The following DGKD variants were observed in gnomAD, a reference collection of about 807,000 sequenced individuals.
The protein encoded by DGKD is diacylglycerol kinase delta, also known as DAG kinase delta.
Under a neutral mutation model 154.4 loss-of-function variants are expected in DGKD, and 68 were observed. That is an observed-to-expected ratio of 0.44 (90% confidence interval 0.36 to 0.54). The LOEUF (loss-of-function observed/expected upper bound fraction) is 0.54, where lower values mean the gene tolerates loss of function less well. Among genes scored for constraint, DGKD ranks in the 20% least tolerant of loss-of-function variants. DGKD has a pLI of 0.00. For synonymous variants in DGKD, 693 were observed against 638.0 expected, an observed-to-expected ratio of 1.09 and a Z score of -1.30; for missense variants, 1,343 against 1,593.6, an observed-to-expected ratio of 0.84 and a Z score of 2.68.
chr2:233,406,296 T>TCA (rs1477446288), intron 3 of DGKD, among the ~76,000 whole-genome samples: 1 of 152,218 alleles, frequency 6.6e-6, no homozygotes, highest in Non-Finnish European at 1.5e-5. Context: ...CTAAATAAGG[T>TCA]CACATTCACA....
intron 1 of DGKD, among the ~76,000 whole-genome samples, chr2:233,358,060 T>C (rs1173496442): frequency 1.3e-5 from 2 of 152,260 alleles, no homozygotes; most frequent in African/African-American, 4.8e-5. Context: ...TTTTTTAATA[T>C]GTTCGAGCTC....
intron 10 of DGKD, 54 bp downstream of exon 10, chr2:233,442,049 G>A (rs778993656): frequency 6.2e-6 from 9 of 1,453,422 alleles, no homozygotes; most frequent in Non-Finnish European, 1.9e-6. Context: ...GGAGGTTAGA[G>A]GGAAATCATG....
At chr2:233,448,502 G>C in intron 14 of DGKD, 127 bp downstream of exon 14, 1 of 778,952 alleles carries the variant, frequency 1.3e-6, no homozygotes, top group Non-Finnish European at 2.1e-6. Context: ...TAGACAAAAC[G>C]CACAGTAAAG....
intron 3 of DGKD, among the ~76,000 whole-genome samples, chr2:233,409,864 A>C (rs1380990676): frequency 7.3e-6 from 1 of 137,034 alleles, no homozygotes; most frequent in East Asian, 2.3e-4. Context: ...ATCTGTGCAG[A>C]AGGGTTGGCC....
chr2:233,415,769 A>G (rs192952413), intron 3 of DGKD, among the ~76,000 whole-genome samples: 15 of 152,238 alleles, frequency 9.9e-5, no homozygotes, highest in Admixed American at 7.9e-4. Flanking sequence ...GACCACAGGC[A>G]GGCACCACCA....
chr2:233,408,642 A>G (rs565707055), intron 3 of DGKD, among the ~76,000 whole-genome samples: 1 of 152,174 alleles, frequency 6.6e-6, no homozygotes, highest in Non-Finnish European at 1.5e-5. Flanking sequence ...CTGTAGCTTC[A>G]TTCTCCCATC....
chr2:233,377,353 G>A (rs1215288918), intron 1 of DGKD, among the ~76,000 whole-genome samples: 1 of 152,104 alleles, frequency 6.6e-6, no homozygotes, highest in Non-Finnish European at 1.5e-5. Flanking sequence ...CAAAGTGCTG[G>A]GATTACAGGC....
Position 233,448,394 on chromosome 2 carries a change from G to T in DGKD, c.1614+19G>T, listed in dbSNP as rs1039388503. 2.5e-6 allele frequency: 4 copies of T among 1,608,194 alleles called. No individual in the cohort carries two copies. Among genetic ancestry groups the T allele is most frequent in the Admixed American group, 3.3e-5 (2 of 59,740 alleles). ...CAAGAAGGTCTGTTCCCGTGCCCTG[G>T]GTGGGAGGGGCATTGAGGCAGCGAG... On this transcript the variant is annotated intron_variant, in intron 14 of 29. Coordinates refer to ENST00000264057, the MANE Select transcript of DGKD (RefSeq NM_152879.3).
At chr2:233,456,056 CTAGAGCTTTGGAACCCTGGT>C (rs1256586874) in intron 19 of DGKD, among the ~76,000 whole-genome samples, 2 of 152,216 alleles carry the variant, frequency 1.3e-5, no homozygotes, top group Admixed American at 1.3e-4. Flanking sequence ...TAATACATTT[CTAGAGCTTTGGAACCCTGGT>C]CAAACCTCTC....
intron 1 of DGKD, among the ~76,000 whole-genome samples, chr2:233,385,370 C>G (rs1290489537): frequency 6.6e-6 from 1 of 152,122 alleles, no homozygotes; most frequent in Non-Finnish European, 1.5e-5. Context: ...TGGTGTCTTG[C>G]CTGTGTTTGC....
chr2:233,371,716 G>T (rs1354678943), intron 1 of DGKD, among the ~76,000 whole-genome samples: 1 of 152,166 alleles, frequency 6.6e-6, no homozygotes, highest in Non-Finnish European at 1.5e-5. Context: ...TTTGTATGTG[G>T]TGTGAGGTCA....
intron 17 of DGKD, 77 bp from the exon 18 acceptor site, chr2:233,451,887 C>T (rs1436767739): frequency 8.2e-7 from 1 of 1,222,666 alleles, no homozygotes; most frequent in African/African-American, 1.5e-5. Flanking sequence ...ACCGGTCCAC[C>T]AGCTTCAGAG....
At chr2:233,464,122 G>A (rs757260079) in intron 26 of DGKD, 42 bp from the exon 27 acceptor site, 36 of 1,612,338 alleles carry the variant, frequency 2.2e-5, no homozygotes, top group African/African-American at 6.7e-5. Context: ...GATCAGCAGT[G>A]CACACTCTCC....
At chr2:233,355,184 A>ATCACCCCT (rs1181972168) in intron 1 of DGKD, among the ~76,000 whole-genome samples, 2 of 151,922 alleles carry the variant, frequency 1.3e-5, no homozygotes, top group Admixed American at 6.5e-5. Flanking sequence ...GGTGCGAGGG[A>ATCACCCCT]TCACCCCTTC....
chr2:233,422,699 T>C (rs2062160059), intron 3 of DGKD, among the ~76,000 whole-genome samples: 1 of 152,220 alleles, frequency 6.6e-6, no homozygotes. Flanking sequence ...AGTTACTCCT[T>C]GGTTTTCCCA....
rs1448766839 is a variant in DGKD at position 233,457,606 on chromosome 2, G to A, written c.2580+278G>A. Reference sequence around the variant, plus strand: ...GAAGGAGGGTCAGGGAAGGTGTCTGGGAGGCCAAGACCTGAAGGATGAGTT... The same window carrying A: ...GAAGGAGGGTCAGGGAAGGTGTCTGAGAGGCCAAGACCTGAAGGATGAGTT... On this transcript the variant is annotated intron_variant, in intron 21 of 29. Coordinates refer to ENST00000264057, the MANE Select transcript of DGKD (RefSeq NM_152879.3). The surrounding 1 kb of genome is among the most constrained non-coding windows in gnomAD (Gnocchi z 5.5). The A allele has an allele frequency of 1.8e-5, 10 of 568,742 alleles. No homozygotes were observed. The highest frequency in any genetic ancestry group is 7.4e-5 in the African/African-American group (4 of 53,886). The allele number at this position is 568,742 out of a possible 1,614,324, so 35.2% of individuals were successfully genotyped here.
intron 9 of DGKD, among the ~76,000 whole-genome samples, chr2:233,439,801 T>A (rs1205237160): frequency 6.6e-6 from 1 of 152,128 alleles, no homozygotes; most frequent in Non-Finnish European, 1.5e-5. Context: ...CACTGTGTTG[T>A]CCAGGTTGGT....
chr2:233,376,602 T>A (rs1025481460), intron 1 of DGKD, among the ~76,000 whole-genome samples: 4 of 152,142 alleles, frequency 2.6e-5, no homozygotes, highest in African/African-American at 9.7e-5. Context: ...TATATATGTT[T>A]TTTATTATAC....
chr2:233,380,162 A>G (rs1395659957), intron 1 of DGKD, among the ~76,000 whole-genome samples: 2 of 152,180 alleles, frequency 1.3e-5, no homozygotes, highest in Admixed American at 6.5e-5. Context: ...GTGAAGGAGG[A>G]AAAGAGTTGA....
Sources: gnomAD v4.1 joint callset for allele counts (sites outside exome capture counted in the v4.1 genomes callset) on GRCh38, gnomAD v4.1.1 for gene constraint, Gnocchi (gnomAD v3.1) non-coding constraint, MANE v1.5 for transcripts, NCBI Gene and HGNC (gene_info 2026-07-23, HGNC 2026-07-21) for gene names.